The following CCDC83 variants were observed in gnomAD, a reference collection of about 807,000 sequenced individuals.
CCDC83 encodes coiled-coil domain containing 83.
In CCDC83, 54 loss-of-function variants were observed where a neutral mutation model predicts 50.1. The observed-to-expected ratio is 1.08, with a 90% CI of 0.87 to 1.35. The LOEUF is 1.35. Among genes scored for constraint, CCDC83 ranks in the 40% most tolerant of loss-of-function variants. CCDC83 has a pLI of 0.00. For synonymous variants in CCDC83, 161 were observed against 153.3 expected (o/e 1.05, Z -0.37); for missense variants, 518 against 473.9 (o/e 1.09, Z -0.86).
At chr11:85,873,551 C>T (rs2093252259) in intron 3 of CCDC83, among the ~76,000 whole-genome samples, 1 of 152,170 alleles carries the variant, frequency 6.6e-6, no homozygotes, top group Admixed American at 6.5e-5. Flanking sequence ...TGAATCTTAA[C>T]TTCAAAATTT....
At chr11:85,906,072 C>CT (rs879545794) in intron 7 of CCDC83, among the ~76,000 whole-genome samples, 108 of 144,110 alleles carry the variant, frequency 7.5e-4, no homozygotes, top group East Asian at 2.2e-3. Context: ...ACAATTCTCT[C>CT]TTTTTTTTTT....
Position 85,888,856 on chromosome 11 carries a change from A to G in CCDC83, c.511+2489A>G, listed in dbSNP as rs538460411. Among the ~76,000 whole-genome samples the G allele has an allele frequency of 7.2e-5, 11 of 152,306 alleles. No homozygotes were observed. The East Asian group carries it at 2.1e-3, about 29-fold the overall frequency. On this transcript the variant is annotated intron_variant, in intron 5 of 10. Transcript: ENST00000342404. The stretch of plus-strand genomic sequence containing the variant: ...TTTATTATACTTTTATTTCTCATAT[A>G]TATCTGAATCTTATTCTCTACTATC...
chr11:85,874,242 G>C (rs2093256589), intron 3 of CCDC83, among the ~76,000 whole-genome samples: 1 of 152,202 alleles, frequency 6.6e-6, no homozygotes, highest in South Asian at 2.1e-4. Context: ...ACTTGTAATA[G>C]GGACTAAAAC....
intron 5 of CCDC83, among the ~76,000 whole-genome samples, chr11:85,890,312 A>T (rs891895655): frequency 6.6e-6 from 1 of 152,178 alleles, no homozygotes; most frequent in African/African-American, 2.4e-5. Flanking sequence ...CAAAGAATGG[A>T]GGAGTGTTTC....
chr11:85,902,529 G>A (rs1353507160), intron 7 of CCDC83, among the ~76,000 whole-genome samples: 1 of 152,142 alleles, frequency 6.6e-6, no homozygotes, highest in African/African-American at 2.4e-5. Flanking sequence ...CTCAATTCCA[G>A]GCTCTAAAAC....
chr11:85,909,747 C>T (rs994295419), intron 7 of CCDC83, among the ~76,000 whole-genome samples: 22 of 151,256 alleles, frequency 1.5e-4, no homozygotes, highest in Admixed American at 5.9e-4. Context: ...CTCAGCCTCC[C>T]GACAAAATAC....
chr11:85,879,133 A>T (rs1007383394), intron 3 of CCDC83, among the ~76,000 whole-genome samples: 3 of 152,200 alleles, frequency 2.0e-5, no homozygotes, highest in African/African-American at 7.2e-5. Flanking sequence ...TTTTAATTTT[A>T]ATGAAGTCCA....
At position 85,917,166 on chromosome 11, in the gene CCDC83, G is replaced by GAAAGAAAGAAAGAAAGAAAGAA. The variant is rs59229600; in HGVS notation, c.1080+934_1080+935insAAGAAAGAAAGAAAGAAAGAAA. Among the ~76,000 whole-genome samples the GAAAGAAAGAAAGAAAGAAAGAA allele has an allele frequency of 5.7e-3, 353 of 62,250 alleles. 1 individual carries two copies. Among genetic ancestry groups the GAAAGAAAGAAAGAAAGAAAGAA allele is most frequent in the Non-Finnish European group, 7.3e-3 (217 of 29,548 alleles). 40.8% of individuals were successfully genotyped at this position (62,250 alleles called of 152,430 possible). ...AGAGAGAGAGAGAGAGAGAGAGAGA[G>GAAAGAAAGAAAGAAAGAAAGAA]AGAAAGAAAGAAAGAAAGAAAGAAA... On this transcript the variant is annotated intron_variant, in intron 10 of 10. Transcript: ENST00000342404.
intron 7 of CCDC83, among the ~76,000 whole-genome samples, chr11:85,905,470 C>A (rs113893265): frequency 6.8e-6 from 1 of 146,446 alleles, no homozygotes; most frequent in Non-Finnish European, 1.5e-5. Context: ...ATTAGCCAGG[C>A]GTGGTGGCAT....
chr11:85,870,474 T>C (rs796377472), intron 2 of CCDC83, among the ~76,000 whole-genome samples: 3 of 152,372 alleles, frequency 2.0e-5, no homozygotes, highest in African/African-American at 7.2e-5. Context: ...ATAATACTTT[T>C]TTTTTAATCT....
chr11:85,897,835 T>A (rs2135089633), intron 6 of CCDC83, among the ~76,000 whole-genome samples: 1 of 152,076 alleles, frequency 6.6e-6, no homozygotes, highest in Admixed American at 6.6e-5. Flanking sequence ...TACAGAAAAA[T>A]TTTTATGGCA....
chr11:85,886,435 G>A, intron 5 of CCDC83, 68 bp downstream of exon 5: 1 of 1,267,080 alleles, frequency 7.9e-7, no homozygotes. Context: ...ATTGATGGAA[G>A]AAAAAAGTGC....
At chr11:85,886,803 C>T (rs2093329131) in intron 5 of CCDC83, among the ~76,000 whole-genome samples, 3 of 152,146 alleles carry the variant, frequency 2.0e-5, no homozygotes, top group Admixed American at 1.3e-4. Flanking sequence ...GCCCCAGCTA[C>T]TTGAGAGGCT....
chr11:85,887,949 T>G (rs1014042048), intron 5 of CCDC83, among the ~76,000 whole-genome samples: 1 of 152,062 alleles, frequency 6.6e-6, no homozygotes. Flanking sequence ...ACAGCAGGTA[T>G]GTGCCACCAT....
chr11:85,919,585 T>C lies in CCDC83; in HGVS notation c.*75T>C. Reference sequence around the variant, plus strand: ...GGAACTGAAGTATATCCGTTGCCCATTTTACTTACACTTTGGCTCATTTTT... The same window carrying C: ...GGAACTGAAGTATATCCGTTGCCCACTTTACTTACACTTTGGCTCATTTTT... On this transcript the variant is annotated 3_prime_UTR_variant, in exon 11 of 11. Transcript: ENST00000342404. 9.4e-7 allele frequency: 1 copy of C among 1,066,502 alleles called. No homozygotes were observed. The highest frequency in any genetic ancestry group is 1.4e-6 in the Non-Finnish European group (1 of 725,194). The allele number at this position is 1,066,502 out of a possible 1,614,324, so 66.1% of individuals were successfully genotyped here.
rs58040118 is a variant in CCDC83, at chr11:85,862,102, T to C, written c.-28-2994T>C. On this transcript the variant is annotated intron_variant, in intron 1 of 10. Coordinates refer to ENST00000342404, the MANE Select transcript of CCDC83 (RefSeq NM_001286159.2). ...AGGAAGGGATACACTGTGTGTTCTA[T>C]AGGTAACTTTGCAGAGCCAAAGCAG... Among the ~76,000 whole-genome samples the C allele has an allele frequency of 8.7e-3, 1,321 of 151,318 alleles. 15 individuals are homozygous for C. Among genetic ancestry groups the C allele is most frequent in the African/African-American group, 0.029 (1,206 of 41,136 alleles).
At chr11:85,895,604 C>T (rs1420183867) in intron 6 of CCDC83, among the ~76,000 whole-genome samples, 2 of 152,036 alleles carry the variant, frequency 1.3e-5, no homozygotes, top group African/African-American at 4.8e-5. Context: ...AACCTAAGAA[C>T]GTGGATTCTG....
chr11:85,904,058 G>A (rs2093414322), intron 7 of CCDC83, among the ~76,000 whole-genome samples: 2 of 151,664 alleles, frequency 1.3e-5, no homozygotes, highest in African/African-American at 4.8e-5. Flanking sequence ...ACATAAACCT[G>A]GTCTTGTCAA....
intron 8 of CCDC83, among the ~76,000 whole-genome samples, 174 bp downstream of exon 8, chr11:85,911,576 A>G (rs2093454604): frequency 6.6e-6 from 1 of 152,234 alleles, no homozygotes; most frequent in South Asian, 2.1e-4. Flanking sequence ...ACTATTGACC[A>G]TTGGTACAAT....
Sources: gnomAD v4.1 joint callset for allele counts (sites outside exome capture counted in the v4.1 genomes callset) on GRCh38, gnomAD v4.1.1 for gene constraint, MANE v1.5 for transcripts, NCBI Gene and HGNC (gene_info 2026-07-23, HGNC 2026-07-21) for gene names.